SRP72: variants seen among roughly 807,000 people sequenced by gnomAD.
The protein encoded by SRP72 is signal recognition particle 72, also known as signal recognition particle subunit SRP72.
Under a neutral mutation model 96.3 loss-of-function variants are expected in SRP72, and 49 were observed. The ratio of observed to expected loss-of-function variants is 0.51; its 90% CI spans 0.40 to 0.65. The LOEUF is 0.65. Ranked by LOEUF, SRP72 falls within the 30% of genes least tolerant of loss-of-function variation. The pLI is 0.00. For missense variants in SRP72, 736 were observed against 793.3 expected (o/e 0.93, Z 0.87); for synonymous variants, 267 against 275.2 (o/e 0.97, Z 0.30).
chr4:56,478,736 T>G, intron 8 of SRP72, 87 bp downstream of exon 8: 1 of 1,370,410 alleles, frequency 7.3e-7, no homozygotes, highest in South Asian at 1.4e-5. Context: ...ATAGCCTAAG[T>G]GTTCTTTTTA....
At chr4:56,490,687 C>A in intron 15 of SRP72, 42 bp downstream of exon 15, 1 of 1,480,800 alleles carries the variant, frequency 6.8e-7, no homozygotes, top group Non-Finnish European at 9.4e-7. Flanking sequence ...CTCAGTAGCA[C>A]AATAGATCTC....
intron 17 of SRP72, among the ~76,000 whole-genome samples, chr4:56,497,539 A>G (rs539590957): frequency 1.3e-5 from 2 of 152,178 alleles, no homozygotes; most frequent in East Asian, 3.9e-4. Flanking sequence ...TTTTTAACCA[A>G]TTGAATAGCT....
At position 56,487,641 on chromosome 4, in the gene SRP72, A is replaced by G. The variant is rs183787240; in HGVS notation, c.1160-308A>G. On this transcript the variant is annotated intron_variant, in intron 11 of 18. Coordinates refer to ENST00000642900, the MANE Select transcript of SRP72 (RefSeq NM_006947.4). ...CCCCCACCTTCAAGTTACAGCCCAA[A>G]AAAGAAGAAATAGAACTCAACAGAC... 1.1e-4 allele frequency among the ~76,000 whole-genome samples: 17 copies of G among 152,326 alleles called. No homozygotes were observed. In the East Asian group the frequency reaches 3.1e-3, roughly 28 times the overall value.
intron 5 of SRP72, chr4:56,475,916 A>T (rs1275024044): frequency 6.6e-6 from 1 of 152,242 alleles, no homozygotes; most frequent in Admixed American, 6.5e-5. Context: ...AACAGCATAA[A>T]GTTCTGTACT....
chr4:56,469,899 C>A, intron 2 of SRP72, 126 bp downstream of exon 2: 1 of 887,788 alleles, frequency 1.1e-6, no homozygotes, highest in Non-Finnish European at 1.6e-6. Context: ...TTTTTTTCCC[C>A]CCTTTTGCTT....
At chr4:56,488,381 A>G (rs781178902) in intron 12 of SRP72, among the ~76,000 whole-genome samples, 3 of 152,216 alleles carry the variant, frequency 2.0e-5, no homozygotes, top group Non-Finnish European at 4.4e-5. Flanking sequence ...TTATTCAAAT[A>G]TTGCAGGTTT....
intron 1 of SRP72, among the ~76,000 whole-genome samples, chr4:56,468,290 C>A (rs1332837614): frequency 6.6e-6 from 1 of 152,158 alleles, no homozygotes; most frequent in African/African-American, 2.4e-5. Flanking sequence ...GCCTGTCATT[C>A]CCATAGATGA....
chr4:56,486,347 A>C lies in SRP72; in HGVS notation c.1109A>C (p.Glu370Ala), dbSNP rs775937255. Residue 370 changes from glutamate to alanine, a missense_variant, in exon 11 of 19, where the codon GAA becomes GCA. Physicochemically the swap from Glu to Ala is moderately radical, Grantham distance 107. This residue lies in a region of SRP72 where 388 missense variants were observed against 431.8 expected (regional missense o/e 0.90). Transcript: ENST00000642900. ...TAGGAATTTTCAGATCAGCATCCAG[A>C]AAATGCAGCTGAAATTAAGCTGACC... ...LLQEFSDQHP[E>A]NAAEIKLTMA... 2 of 1,606,104 alleles carry C rather than the reference A, an allele frequency of 1.2e-6. No individual in the cohort carries two copies. The highest frequency in any genetic ancestry group is 8.5e-7 in the Non-Finnish European group (1 of 1,175,038).
Position 56,501,864 on chromosome 4 carries a change from A to C in SRP72, c.*3A>C. ...AAGGTGGAAAAGGTGGCTGGTGATG[A>C]GAATATTCTTGTTGCAGGCTGTTTT... On this transcript the variant is annotated 3_prime_UTR_variant, in exon 19 of 19. Coordinates refer to ENST00000642900, the MANE Select transcript of SRP72 (RefSeq NM_006947.4). The C allele has an allele frequency of 6.2e-7, 1 of 1,614,064 alleles. No individual in the cohort carries two copies. Among genetic ancestry groups the C allele is most frequent in the Non-Finnish European group, 8.5e-7 (1 of 1,179,996 alleles).
In SRP72 at chr4:56,473,917, A is replaced by G. The variant is rs1056157935; in HGVS notation, c.355-137A>G. 3.8e-6 allele frequency: 3 copies of G among 792,490 alleles called. No homozygotes were observed. The African/African-American group carries it at 5.2e-5, about 14-fold the overall frequency. 49.1% of individuals were successfully genotyped at this position (792,490 alleles called of 1,614,324 possible). A position where few individuals can be genotyped will look rare whatever the true frequency, so the allele number is the denominator to read the frequency against. On this transcript the variant is annotated intron_variant, in intron 3 of 18. Transcript: ENST00000642900. ...TAGTACATGGAACTATTTAAAAATT[A>G]TAAAACATAAACAGTTGATTGTTCA...
rs1485109860 is a variant in SRP72 at position 56,474,363 on chromosome 4, G to A, written c.582G>A (p.Gln194=). ...CALIGQGQLN[Q]AMKILQKAED... ...TGATAGGCCAAGGCCAGCTGAACCA[G>A]GCCATGAAAATCCTACAAAAAGCTG... Residue 194 remains glutamine, a synonymous_variant, in exon 5 of 19, where the codon CAG becomes CAA. Transcript: ENST00000642900. 1 of 1,613,964 alleles carries A rather than the reference G, an allele frequency of 6.2e-7. No individual in the cohort carries two copies. The highest frequency in any genetic ancestry group is 8.5e-7 in the Non-Finnish European group (1 of 1,179,994).
At chr4:56,471,237 GTA>G (rs1719960988) in intron 2 of SRP72, among the ~76,000 whole-genome samples, 1 of 152,246 alleles carries the variant, frequency 6.6e-6, no homozygotes, top group Non-Finnish European at 1.5e-5. Flanking sequence ...TTAAGTGTGT[GTA>G]TGTTAGTAGT....
At position 56,471,743 on chromosome 4, in the gene SRP72, C is replaced by A; in HGVS notation, c.254C>A (p.Ala85Glu). 1 of 1,613,462 alleles carries A rather than the reference C, an allele frequency of 6.2e-7. No individual in the cohort carries two copies. The highest frequency in any genetic ancestry group is 1.3e-5 in the African/African-American group (1 of 74,972). The change falls in exon 3 of 19, where the codon GCA becomes GAA. Residue 85 changes from alanine (A) to glutamate (E), a missense_variant. Around this residue, in one of 3 missense-constraint regions of SRP72, gnomAD observed 329 missense variants for 319.0 expected, o/e 1.03. Coordinates refer to ENST00000642900, the MANE Select transcript of SRP72 (RefSeq NM_006947.4). Reference sequence around the variant, plus strand: ...AGTAACTCTCTCTCCTTTGAAAAGGCATATTGCGAGTACAGGCTGAACAGA... The same window carrying A: ...AGTAACTCTCTCTCCTTTGAAAAGGAATATTGCGAGTACAGGCTGAACAGA... ...LANNSLSFEK[A>E]YCEYRLNRIE...
chr4:56,492,344 G>T (rs1003488846), intron 16 of SRP72, among the ~76,000 whole-genome samples: 3 of 152,074 alleles, frequency 2.0e-5, no homozygotes, highest in Admixed American at 6.5e-5. Context: ...TTGAAGAAAA[G>T]GTTAGTCGGC....
intron 16 of SRP72, among the ~76,000 whole-genome samples, chr4:56,494,033 T>C (rs1228478992): frequency 6.6e-6 from 1 of 152,128 alleles, no homozygotes; most frequent in African/African-American, 2.4e-5. Flanking sequence ...AGAAGATGAT[T>C]GTGTTGACTC....
intron 10 of SRP72, among the ~76,000 whole-genome samples, chr4:56,485,520 G>A (rs1450238100): frequency 1.3e-5 from 2 of 151,992 alleles, no homozygotes; most frequent in Admixed American, 6.6e-5. Flanking sequence ...TGTGGGGGTC[G>A]CCAGGCGTAG....
At position 56,486,312 on chromosome 4, in the gene SRP72, TA is replaced by T; in HGVS notation, c.1087-6del. On this transcript the variant is annotated splice_polypyrimidine_tract_variant and intron_variant, in intron 10 of 18. Coordinates refer to ENST00000642900, the MANE Select transcript of SRP72 (RefSeq NM_006947.4). ...TAAATGTGATTTTTTTCCCCCAAAC[TA>T]AAAAAATTTAGGAATTTTCAGATCA... 7 of 1,590,774 alleles carry T rather than the reference TA, an allele frequency of 4.4e-6. No individual in the cohort carries two copies. Among genetic ancestry groups the T allele is most frequent in the East Asian group, 2.3e-5 (1 of 44,414 alleles).
Position 56,471,777 on chromosome 4 carries a change from T to C in SRP72, c.288T>C (p.Asn96=), listed in dbSNP as rs1337773804. 16 of 1,614,154 alleles carry C rather than the reference T, an allele frequency of 9.9e-6. No individual in the cohort carries two copies. The highest frequency in any genetic ancestry group is 1.4e-5 in the Non-Finnish European group (16 of 1,180,026). The change falls in exon 3 of 19, where the codon AAT becomes AAC. Residue 96 remains asparagine (N), a synonymous_variant. Coordinates refer to ENST00000642900, the MANE Select transcript of SRP72 (RefSeq NM_006947.4). ...AGTACAGGCTGAACAGAATTGAGAA[T>C]GCCTTGAAGACAATAGAAAGTGCCA... ...YCEYRLNRIE[N]ALKTIESANQ...
At chr4:56,490,705 A>G (rs1720876366) in intron 15 of SRP72, 60 bp downstream of exon 15, 1 of 1,416,802 alleles carries the variant, frequency 7.1e-7, no homozygotes, top group Non-Finnish European at 9.8e-7. Flanking sequence ...CTCTTCTGAT[A>G]TCTGTGTTTT....
Sources: allele counts gnomAD v4.1 joint callset (sites outside exome capture counted in the v4.1 genomes callset), GRCh38; gene constraint gnomAD v4.1.1; regional missense constraint gnomAD v4.1.1; transcripts MANE v1.5; gene names NCBI Gene and HGNC (gene_info 2026-07-23, HGNC 2026-07-21).